Variants in CGREF1 observed in about 807,000 individuals in gnomAD.
CGREF1 encodes the protein cell growth regulator with EF-hand domain 1.
In CGREF1, 16 loss-of-function variants were observed where a neutral mutation model predicts 17.4. The observed-to-expected ratio is 0.92, with a 90% CI of 0.62 to 1.40. The LOEUF (loss-of-function observed/expected upper bound fraction) is 1.40. Among genes scored for constraint, CGREF1 ranks in the 40% most tolerant of loss-of-function variants. CGREF1 has a pLI of 0.00. For synonymous variants in CGREF1, 142 were observed against 154.6 expected (o/e 0.92, Z 0.61); for missense variants, 296 against 376.4 (o/e 0.79, Z 1.77).
At position 27,102,078 on chromosome 2, in the gene CGREF1, T is replaced by A. The variant is rs753131381; in HGVS notation, c.342+19A>T. 1.3e-6 allele frequency: 2 copies of A among 1,591,098 alleles called. No homozygotes were observed. The highest frequency in any genetic ancestry group is 1.7e-6 in the Non-Finnish European group (2 of 1,165,308). On this transcript the variant is annotated intron_variant, in intron 5 of 5. Transcript: ENST00000402394. ...GCTGGGTCTCCTTTATGCGGGGATC[T>A]CCATCCAGCAGAGCTTACCGGGTTG...
At chr2:27,106,383 A>C (rs1201478173) in intron 1 of CGREF1, among the ~76,000 whole-genome samples, 1 of 152,210 alleles carries the variant, frequency 6.6e-6, no homozygotes, top group African/African-American at 2.4e-5. Context: ...TGTGCTGTAA[A>C]GGAGACCAGA....
chr2:27,111,615 A>C (rs1431926657), intron 1 of CGREF1, among the ~76,000 whole-genome samples: 2 of 152,168 alleles, frequency 1.3e-5, no homozygotes, highest in African/African-American at 2.4e-5. Context: ...GGCAGTGGGG[A>C]GGCTCAGGCA....
At chr2:27,116,881 C>CGA in intron 1 of CGREF1, among the ~76,000 whole-genome samples, 2 of 55,756 alleles carry the variant, frequency 3.6e-5, no homozygotes, top group Non-Finnish European at 7.4e-5. Flanking sequence ...TTCTCTCTCT[C>CGA]TCTCTCTCTC....
rs771759632 is a variant in CGREF1 at position 27,102,626 on chromosome 2, A to G, written c.81-35T>C. 1.9e-6 allele frequency: 3 copies of G among 1,585,274 alleles called. 1 individual carries two copies. Among genetic ancestry groups the G allele is most frequent in the South Asian group, 2.2e-5 (2 of 89,782 alleles). ...GAAGGGGAGGACCAGCCTTGCAGAG[A>G]GCCTCCCTCAGGGCCCAGCCTGCCA... On this transcript the variant is annotated intron_variant, in intron 2 of 5. Coordinates refer to ENST00000402394, the MANE Select transcript of CGREF1 (RefSeq NM_006569.6).
chr2:27,116,871 T>TTCTCTCTCTCTCTCCC (rs1671587401), intron 1 of CGREF1, among the ~76,000 whole-genome samples: 1 of 33,680 alleles, frequency 3.0e-5, no homozygotes, highest in African/African-American at 1.0e-4. Context: ...GCCAGGCCTA[T>TTCTCTCTCTCTCTCCC]TCTCTCTCTC....
intron 1 of CGREF1, among the ~76,000 whole-genome samples, chr2:27,110,406 TACACACAC>T (rs56066812): frequency 3.3e-5 from 5 of 150,744 alleles, no homozygotes; most frequent in African/African-American, 1.2e-4. Context: ...TCCAAAAAAA[TACACACAC>T]ACACACACAC....
chr2:27,102,265 T>G (rs1572890661), intron 4 of CGREF1, 44 bp from the exon 5 acceptor site: 1 of 1,610,152 alleles, frequency 6.2e-7, no homozygotes, highest in Non-Finnish European at 8.5e-7. Context: ...CCGGGGGAGG[T>G]GGAGAAGGCA....
chr2:27,109,727 A>G (rs1345786744), intron 1 of CGREF1, among the ~76,000 whole-genome samples: 3 of 151,754 alleles, frequency 2.0e-5, no homozygotes, highest in Admixed American at 6.6e-5. Context: ...CTCTACTAAA[A>G]ATACAAAATT....
At position 27,101,070 on chromosome 2, in the gene CGREF1, C is replaced by CG. The variant is rs1553345090; in HGVS notation, c.*203dup. Reference sequence around the variant, plus strand: ...CAGGCTGGACGGGTAGAGAGGTGGCCGGGGGGATGAATTCATTCAGTTCTT... The same window carrying CG: ...CAGGCTGGACGGGTAGAGAGGTGGCCGGGGGGGATGAATTCATTCAGTTCTT... On this transcript the variant is annotated 3_prime_UTR_variant, in exon 6 of 6. Transcript: ENST00000402394. The CG allele has an allele frequency of 1.5e-6, 2 of 1,357,122 alleles. No homozygotes were observed. Among genetic ancestry groups the CG allele is most frequent in the Admixed American group, 3.5e-5 (1 of 28,176 alleles). The allele number at this position is 1,357,122 out of a possible 1,614,324, so 84.1% of individuals were successfully genotyped here. A position where few individuals can be genotyped will look rare whatever the true frequency, so the allele number is the denominator to read the frequency against.
downstream of CGREF1, chr2:27,100,456 G>A (rs1233793956): frequency 7.7e-7 from 1 of 1,290,908 alleles, no homozygotes; most frequent in East Asian, 5.5e-5. Context: ...ATGTGACCCA[G>A]GATACAGAGT....
rs566126195 is a variant in CGREF1, at chr2:27,101,055, G to A, written c.*219C>T. 4.0e-5 allele frequency: 53 copies of A among 1,318,050 alleles called. No homozygotes were observed. The highest frequency in any genetic ancestry group is 3.4e-4 in the South Asian group (15 of 44,370). 81.6% of individuals were successfully genotyped at this position (1,318,050 alleles called of 1,614,324 possible). A position where few individuals can be genotyped will look rare whatever the true frequency, so the allele number is the denominator to read the frequency against. The stretch of plus-strand genomic sequence containing the variant: ...CTGAGAGGGTCTGGGCAGGCTGGAC[G>A]GGTAGAGAGGTGGCCGGGGGGATGA... On this transcript the variant is annotated 3_prime_UTR_variant, in exon 6 of 6. Coordinates refer to ENST00000402394, the MANE Select transcript of CGREF1 (RefSeq NM_006569.6).
chr2:27,100,973 G>T lies in CGREF1; in HGVS notation c.*301C>A. On this transcript the variant is annotated 3_prime_UTR_variant, in exon 6 of 6. Coordinates refer to ENST00000402394, the MANE Select transcript of CGREF1 (RefSeq NM_006569.6). ...CGCTCTGCTGCCGGAGCACCGTGAGGCCCAGAAACACTGGGCAGGCGGCAT... is the reference window on the plus strand; with the variant it reads ...CGCTCTGCTGCCGGAGCACCGTGAGTCCCAGAAACACTGGGCAGGCGGCAT... The T allele has an allele frequency of 8.4e-7, 1 of 1,191,674 alleles. No homozygotes were observed. Among genetic ancestry groups the T allele is most frequent in the South Asian group, 2.9e-5 (1 of 34,870 alleles). The allele number at this position is 1,191,674 out of a possible 1,614,324, so 73.8% of individuals were successfully genotyped here.
chr2:27,104,529 C>CA, intron 1 of CGREF1, 152 bp from the exon 2 acceptor site: 1 of 1,550,918 alleles, frequency 6.4e-7, no homozygotes, highest in Non-Finnish European at 8.7e-7. Flanking sequence ...CACAGACAGA[C>CA]AGCAGGGATC....
At chr2:27,116,904 T>C (rs1276966809) in intron 1 of CGREF1, among the ~76,000 whole-genome samples, 3 of 130,570 alleles carry the variant, frequency 2.3e-5, no homozygotes, top group East Asian at 2.3e-4. Flanking sequence ...TCTCTCTCTC[T>C]CTCTCTCTCT....
intron 1 of CGREF1, among the ~76,000 whole-genome samples, chr2:27,115,861 C>A (rs951349805): frequency 2.0e-5 from 3 of 152,208 alleles, no homozygotes; most frequent in Non-Finnish European, 4.4e-5. Context: ...CATCCTCAAT[C>A]TGGAATGTCC....
At chr2:27,113,178 T>A (rs894555421) in intron 1 of CGREF1, among the ~76,000 whole-genome samples, 1 of 151,808 alleles carries the variant, frequency 6.6e-6, no homozygotes, top group African/African-American at 2.4e-5. Context: ...GGGGCTGAGG[T>A]CAGCTGAGGG....
chr2:27,109,132 A>C (rs1044506115), intron 1 of CGREF1, among the ~76,000 whole-genome samples: 1 of 151,926 alleles, frequency 6.6e-6, no homozygotes, highest in Non-Finnish European at 1.5e-5. Flanking sequence ...CACTTTGGGA[A>C]GCTGAGGTGG....
intron 1 of CGREF1, among the ~76,000 whole-genome samples, chr2:27,111,879 C>T (rs974878206): frequency 2.0e-5 from 3 of 152,214 alleles, no homozygotes; most frequent in South Asian, 2.1e-4. Flanking sequence ...CTGAAGGAGC[C>T]GGCTCCGGCC....
chr2:27,114,414 G>C (rs1671502474), intron 1 of CGREF1, among the ~76,000 whole-genome samples: 1 of 152,174 alleles, frequency 6.6e-6, no homozygotes, highest in South Asian at 2.1e-4. Flanking sequence ...TTAGGCCACT[G>C]TGGTAGCTTT....
Sources: gnomAD v4.1 joint callset for allele counts (sites outside exome capture counted in the v4.1 genomes callset) on GRCh38, gnomAD v4.1.1 for gene constraint, MANE v1.5 for transcripts, NCBI Gene and HGNC (gene_info 2026-07-23, HGNC 2026-07-21) for gene names.